The following DIP2C variants were observed in gnomAD, a reference collection of about 807,000 sequenced individuals.
DIP2C encodes DIP2 acetate--CoA ligase C (putative), also known as disco-interacting protein 2 homolog C.
In DIP2C, 33 loss-of-function variants were observed where a neutral mutation model predicts 192.4. The observed-to-expected ratio is 0.17, with a 90% CI of 0.13 to 0.23. DIP2C has a LOEUF of 0.23. DIP2C is among the 10% of genes least tolerant of loss of function. The pLI is 1.00. For synonymous variants in DIP2C, 979 were observed against 864.1 expected, an observed-to-expected ratio of 1.13 and a Z score of -2.33; for missense variants, 1,537 against 2,110.1, an observed-to-expected ratio of 0.73 and a Z score of 5.32.
chr10:607,908 CTG>C lies in DIP2C; in HGVS notation c.85+81584_85+81585del, dbSNP rs922316801. ...GTGTCATTCGCTAAGACGTACGACT[CTG>C]TAATAACCCACACCACAGCCCCTCA... On this transcript the variant is annotated intron_variant, in intron 1 of 36. Coordinates refer to ENST00000280886, the MANE Select transcript of DIP2C (RefSeq NM_014974.3). Among the ~76,000 whole-genome samples the C allele has an allele frequency of 1.3e-4, 20 of 152,128 alleles. 1 individual carries two copies. The South Asian group carries it at 2.5e-3, about 19-fold the overall frequency.
intron 3 of DIP2C, among the ~76,000 whole-genome samples, chr10:467,246 T>C (rs925501544): frequency 4.0e-5 from 6 of 151,712 alleles, no homozygotes; most frequent in African/African-American, 9.7e-5. Context: ...ATGGATGAAA[T>C]TGGACACCAT....
rs184255584 is a variant in DIP2C, at chr10:530,279, G to A, written c.86-43749C>T. Among the ~76,000 whole-genome samples, 484 of 152,332 alleles carry A rather than the reference G, an allele frequency of 3.2e-3. 2 individuals are homozygous for A. The highest frequency in any genetic ancestry group is 4.7e-3 in the Non-Finnish European group (319 of 68,032). ...GGGTTTTGTTCCTTATTTGCTATGG[G>A]CTTGATTCAAAACAGCTTTCTGGAC... On this transcript the variant is annotated intron_variant, in intron 1 of 36. Coordinates refer to ENST00000280886, the MANE Select transcript of DIP2C (RefSeq NM_014974.3).
chr10:536,948 ACAC>A (rs1847729157), intron 1 of DIP2C, among the ~76,000 whole-genome samples: 1 of 152,202 alleles, frequency 6.6e-6, no homozygotes, highest in Non-Finnish European at 1.5e-5. Flanking sequence ...CCCTGCCGTG[ACAC>A]CACCACCCAT....
At chr10:458,316 A>G (rs565659380) in intron 3 of DIP2C, among the ~76,000 whole-genome samples, 7 of 152,380 alleles carry the variant, frequency 4.6e-5, no homozygotes, top group Admixed American at 3.9e-4. Context: ...ACAGGACAGG[A>G]ACCTCATCAA....
chr10:548,032 C>G (rs768443415), intron 1 of DIP2C, among the ~76,000 whole-genome samples: 2 of 152,146 alleles, frequency 1.3e-5, no homozygotes, highest in Non-Finnish European at 2.9e-5. Flanking sequence ...CATGTAAAAG[C>G]AGTCTGCAAT....
intron 1 of DIP2C, among the ~76,000 whole-genome samples, chr10:509,276 G>A (rs150584798): frequency 5.9e-4 from 90 of 152,272 alleles, no homozygotes; most frequent in African/African-American, 2.1e-3. Flanking sequence ...ATTCCCGCAC[G>A]CACCGATATC....
At chr10:360,533 G>A (rs868656720) in intron 22 of DIP2C, among the ~76,000 whole-genome samples, 1 of 152,322 alleles carries the variant, frequency 6.6e-6, no homozygotes, top group Middle Eastern at 3.4e-3. Context: ...GCACAGGGCG[G>A]GAGTTTTATC....
intron 32 of DIP2C, among the ~76,000 whole-genome samples, chr10:293,947 C>G (rs1274123523): frequency 6.6e-6 from 1 of 152,150 alleles, no homozygotes; most frequent in Non-Finnish European, 1.5e-5. Flanking sequence ...ACCAATCACC[C>G]AAAAAATGAG....
At chr10:686,180 C>T (rs747355961) in intron 1 of DIP2C, among the ~76,000 whole-genome samples, 8 of 152,178 alleles carry the variant, frequency 5.3e-5, no homozygotes, top group Admixed American at 3.9e-4. Context: ...AGAAAGCAGC[C>T]GCCACAGCCC....
At chr10:644,251 G>C (rs1346604080) in intron 1 of DIP2C, among the ~76,000 whole-genome samples, 1 of 152,242 alleles carries the variant, frequency 6.6e-6, no homozygotes, top group Non-Finnish European at 1.5e-5. Flanking sequence ...GTGGGGATGG[G>C]GAGGCTGCAG....
At position 362,711 on chromosome 10, in the gene DIP2C, G is replaced by T; in HGVS notation, c.2593-20C>A. 6.3e-7 allele frequency: 1 copy of T among 1,588,580 alleles called. No individual in the cohort carries two copies. Among genetic ancestry groups the T allele is most frequent in the Non-Finnish European group, 8.6e-7 (1 of 1,166,762 alleles). On this transcript the variant is annotated intron_variant, in intron 21 of 36. Coordinates refer to ENST00000280886, the MANE Select transcript of DIP2C (RefSeq NM_014974.3). The stretch of plus-strand genomic sequence containing the variant: ...AATCGCCTAGAAAGTTAATAAAGAG[G>T]AAATCATGTTATAAGAGGAAGTATA...
At chr10:650,262 A>C (rs887696458) in intron 1 of DIP2C, 2 of 716,750 alleles carry the variant, frequency 2.8e-6, no homozygotes, top group African/African-American at 1.7e-5. Context: ...AGCTGGCCCG[A>C]GGTGACACAG....
intron 1 of DIP2C, among the ~76,000 whole-genome samples, chr10:522,018 G>T (rs931203012): frequency 3.9e-5 from 6 of 151,998 alleles, no homozygotes; most frequent in African/African-American, 1.5e-4. Flanking sequence ...GGAACAGCAT[G>T]GATCCCCCAT....
In DIP2C at chr10:369,542, T is replaced by G. The variant is rs1960706274; in HGVS notation, c.2083A>C (p.Lys695Gln). The G allele has an allele frequency of 1.3e-6, 2 of 1,586,598 alleles. No homozygotes were observed. The highest frequency in any genetic ancestry group is 4.5e-5 in the East Asian group (2 of 44,476). The change falls in exon 18 of 37, where the codon AAG becomes CAG. Residue 695 changes from lysine (K) to glutamine (Q), a missense_variant. Coordinates refer to ENST00000280886, the MANE Select transcript of DIP2C (RefSeq NM_014974.3). Reference sequence around the variant, plus strand: ...TCCTGCACGGTGAGCACGGACAGCTTCTCTTCCGAGTCCACACGAATGACC... The same window carrying G: ...TCCTGCACGGTGAGCACGGACAGCTGCTCTTCCGAGTCCACACGAATGACC... ...YGVIRVDSEE[K>Q]LSVLTVQDVG...
intron 1 of DIP2C, among the ~76,000 whole-genome samples, chr10:602,939 C>G (rs928337883): frequency 2.0e-5 from 3 of 151,826 alleles, no homozygotes; most frequent in Non-Finnish European, 4.4e-5. Flanking sequence ...GGTGATAACA[C>G]CCCTCACCGG....
intron 1 of DIP2C, among the ~76,000 whole-genome samples, chr10:645,202 G>A (rs1855386233): frequency 6.6e-6 from 1 of 152,194 alleles, no homozygotes; most frequent in South Asian, 2.1e-4. Context: ...GGTCTTGAGG[G>A]AGAGCTGGCA....
At chr10:436,121 G>A (rs561644404) in intron 4 of DIP2C, among the ~76,000 whole-genome samples, 24 of 152,238 alleles carry the variant, frequency 1.6e-4, no homozygotes, top group African/African-American at 3.1e-4. Flanking sequence ...CAGACCGGGC[G>A]CACTTCATGT....
intron 32 of DIP2C, among the ~76,000 whole-genome samples, chr10:291,215 G>A (rs922533550): frequency 6.6e-6 from 1 of 152,206 alleles, no homozygotes; most frequent in Non-Finnish European, 1.5e-5. Context: ...CCCCCATATT[G>A]ATCCTAAGCC....
At chr10:347,846 ACGCACCCAGACGCG>A (rs1958581881) in intron 26 of DIP2C, among the ~76,000 whole-genome samples, 1 of 98,390 alleles carries the variant, frequency 1.0e-5, no homozygotes, top group Non-Finnish European at 2.1e-5. Flanking sequence ...GAAACCCCAC[ACGCACCCAGACGCG>A]TCGCGCATAG....
Sources: gnomAD v4.1 joint callset for allele counts (sites outside exome capture counted in the v4.1 genomes callset) on GRCh38, gnomAD v4.1.1 for gene constraint, MANE v1.5 for transcripts, NCBI Gene and HGNC (gene_info 2026-07-23, HGNC 2026-07-21) for gene names.